KCNMB2: variants seen among roughly 807,000 people sequenced by gnomAD.
KCNMB2 encodes the protein potassium calcium-activated channel subfamily M regulatory beta subunit 2, also known as calcium-activated potassium channel subunit beta-2.
A neutral mutation model predicts 24.5 loss-of-function variants in KCNMB2; 9 were observed. That is an observed-to-expected ratio of 0.37 (90% CI 0.22 to 0.64). The LOEUF is 0.64. Among genes scored for constraint, KCNMB2 ranks in the 30% least tolerant of loss-of-function variants. KCNMB2 has a pLI of 0.63. For synonymous variants in KCNMB2, 109 were observed against 104.4 expected (o/e 1.04, Z -0.27); for missense variants, 226 against 284.3 (o/e 0.79, Z 1.47).
chr3:178,549,590 G>A (rs532609829), intron 1 of KCNMB2, among the ~76,000 whole-genome samples: 1 of 151,474 alleles, frequency 6.6e-6, no homozygotes, highest in South Asian at 2.1e-4. Context: ...GCCTCCCAGA[G>A]TGCTGGGATT....
chr3:178,621,047 C>A (rs1402326707), intron 1 of KCNMB2, among the ~76,000 whole-genome samples: 1 of 152,130 alleles, frequency 6.6e-6, no homozygotes, highest in African/African-American at 2.4e-5. Context: ...TAAGGCAATG[C>A]CATGGTCAAA....
intron 4 of KCNMB2, among the ~76,000 whole-genome samples, chr3:178,834,287 T>C (rs936828016): frequency 6.6e-6 from 1 of 152,162 alleles, no homozygotes; most frequent in Non-Finnish European, 1.5e-5. Flanking sequence ...AAAATAATTT[T>C]CCCAGAGTTA....
intron 1 of KCNMB2, among the ~76,000 whole-genome samples, chr3:178,668,256 C>T (rs1414288233): frequency 6.6e-6 from 1 of 152,092 alleles, no homozygotes; most frequent in Non-Finnish European, 1.5e-5. Context: ...TGAGCAGAGC[C>T]TTCCAGGAAA....
intron 1 of KCNMB2, among the ~76,000 whole-genome samples, chr3:178,603,898 C>G (rs1363904517): frequency 1.3e-5 from 2 of 152,156 alleles, no homozygotes; most frequent in African/African-American, 4.8e-5. Context: ...TGCACATATA[C>G]TGGTCTAAAA....
intron 2 of KCNMB2, among the ~76,000 whole-genome samples, chr3:178,818,176 G>C (rs1328721626): frequency 1.3e-5 from 2 of 152,064 alleles, no homozygotes; most frequent in Non-Finnish European, 1.5e-5. Context: ...GCTGTCTTTT[G>C]TTTCTCTGAC....
chr3:178,550,753 A>G (rs1715924784), intron 1 of KCNMB2, among the ~76,000 whole-genome samples: 1 of 152,210 alleles, frequency 6.6e-6, no homozygotes, highest in African/African-American at 2.4e-5. Context: ...TTGAGAAGTT[A>G]GCATCTCGGT....
intron 1 of KCNMB2, among the ~76,000 whole-genome samples, chr3:178,667,033 G>T (rs1339440960): frequency 6.6e-6 from 1 of 151,928 alleles, no homozygotes; most frequent in Non-Finnish European, 1.5e-5. Context: ...TACATAAATG[G>T]TTTTTCATTG....
intron 1 of KCNMB2, among the ~76,000 whole-genome samples, chr3:178,759,607 A>G (rs1442280981): frequency 4.6e-5 from 6 of 129,952 alleles, no homozygotes; most frequent in Non-Finnish European, 8.1e-5. Flanking sequence ...CTCCAAGAGG[A>G]TATATATACA....
chr3:178,550,252 T>C (rs1267619211), intron 1 of KCNMB2, among the ~76,000 whole-genome samples: 5 of 151,000 alleles, frequency 3.3e-5, no homozygotes, highest in Admixed American at 2.6e-4. Context: ...AGATCGAGAC[T>C]GTCCTGGCTA....
intron 1 of KCNMB2, among the ~76,000 whole-genome samples, chr3:178,717,831 T>C (rs1722669232): frequency 6.6e-6 from 1 of 151,742 alleles, no homozygotes; most frequent in South Asian, 2.1e-4. Context: ...AGCAGATAAG[T>C]TATGGGAACT....
chr3:178,793,051 G>C (rs560247328), intron 1 of KCNMB2, among the ~76,000 whole-genome samples: 5 of 152,286 alleles, frequency 3.3e-5, no homozygotes, highest in African/African-American at 9.6e-5. Flanking sequence ...CATCGACAGT[G>C]CCCATGTTCT....
intron 1 of KCNMB2, chr3:178,757,269 T>G (rs1490727427): frequency 7.2e-6 from 1 of 138,028 alleles, no homozygotes; most frequent in African/African-American, 2.6e-5. Flanking sequence ...CACGTGTGTG[T>G]GTGTATACAT....
At chr3:178,690,794 T>TAA (rs1721643782) in intron 1 of KCNMB2, among the ~76,000 whole-genome samples, 1 of 152,220 alleles carries the variant, frequency 6.6e-6, no homozygotes, top group South Asian at 2.1e-4. Flanking sequence ...CATGGTGTAC[T>TAA]AAAGGTTGGA....
intron 1 of KCNMB2, among the ~76,000 whole-genome samples, chr3:178,716,259 A>C (rs911569648): frequency 2.0e-5 from 3 of 152,184 alleles, no homozygotes; most frequent in African/African-American, 7.2e-5. Context: ...ATTTGTTGAG[A>C]GTTTGCAATA....
chr3:178,554,096 T>C (rs1382925655), intron 1 of KCNMB2, among the ~76,000 whole-genome samples: 1 of 150,452 alleles, frequency 6.6e-6, no homozygotes, highest in East Asian at 1.9e-4. Context: ...TGAGGTAGGT[T>C]TTTTTTTTAA....
chr3:178,752,725 CT>C (rs1282740419), intron 1 of KCNMB2, among the ~76,000 whole-genome samples: 2 of 152,216 alleles, frequency 1.3e-5, no homozygotes, highest in East Asian at 3.9e-4. Context: ...GAGGGAATAT[CT>C]TTCAAAAACA....
rs1161935311 is a variant in KCNMB2 at position 178,598,016 on chromosome 3, A to T, written c.-68+61305A>T. On this transcript the variant is annotated intron_variant, in intron 1 of 4. Transcript: ENST00000452583. ...AACTGTTAGAAAACAGTTTGATGAT[A>T]AAGAATTCAGGAAAATGCAGGACAA... 2.6e-5 allele frequency among the ~76,000 whole-genome samples: 4 copies of T among 152,068 alleles called. No individual in the cohort carries two copies. The East Asian group carries it at 5.8e-4, about 22-fold the overall frequency.
intron 1 of KCNMB2, among the ~76,000 whole-genome samples, chr3:178,585,599 C>A (rs1188289741): frequency 6.6e-6 from 1 of 152,166 alleles, no homozygotes; most frequent in Non-Finnish European, 1.5e-5. Flanking sequence ...TTTGAATATA[C>A]CAAGCCTGGG....
chr3:178,607,621 G>T (rs1718321394), intron 1 of KCNMB2, among the ~76,000 whole-genome samples: 1 of 147,366 alleles, frequency 6.8e-6, no homozygotes, highest in Admixed American at 6.6e-5. Context: ...CAAATTCATT[G>T]TGCATGCGTG....
Sources: allele counts gnomAD v4.1 joint callset (sites outside exome capture counted in the v4.1 genomes callset), GRCh38; gene constraint gnomAD v4.1.1; transcripts MANE v1.5; gene names NCBI Gene and HGNC (gene_info 2026-07-23, HGNC 2026-07-21).